Variants in DYNC1LI2 observed in about 807,000 individuals in gnomAD.
The protein encoded by DYNC1LI2 is dynein cytoplasmic 1 light intermediate chain 2.
A neutral mutation model predicts 57.8 loss-of-function variants in DYNC1LI2; 19 were observed. That is an observed-to-expected ratio of 0.33 (90% CI 0.23 to 0.48). The LOEUF (loss-of-function observed/expected upper bound fraction) is 0.48, where lower values mean the gene tolerates loss of function less well. Ranked by LOEUF, DYNC1LI2 falls within the 20% of genes least tolerant of loss-of-function variation. The pLI is 0.99. For synonymous variants in DYNC1LI2, 256 were observed against 233.4 expected, an observed-to-expected ratio of 1.10 and a Z score of -0.88; for missense variants, 470 against 604.2, an observed-to-expected ratio of 0.78 and a Z score of 2.33.
At chr16:66,725,121 G>A (rs912999949) in intron 12 of DYNC1LI2, among the ~76,000 whole-genome samples, 3 of 147,578 alleles carry the variant, frequency 2.0e-5, no homozygotes, top group African/African-American at 7.5e-5. Context: ...TTGGCAGTGA[G>A]TTGAGATCAT....
intron 2 of DYNC1LI2, among the ~76,000 whole-genome samples, chr16:66,750,084 T>C (rs114960277): frequency 5.1e-4 from 77 of 152,344 alleles, no homozygotes; most frequent in African/African-American, 1.8e-3. Context: ...CTCTACCTTA[T>C]TCAGGCCCTC....
chr16:66,728,905 G>T, intron 9 of DYNC1LI2, 135 bp downstream of exon 9: 2 of 862,534 alleles, frequency 2.3e-6, no homozygotes. Flanking sequence ...GAGGGAATGA[G>T]GAGACCTGGT....
In DYNC1LI2 at chr16:66,732,205, C is replaced by A. The variant is rs1326355411; in HGVS notation, c.929+134G>T. Reference sequence around the variant, plus strand: ...AGATGCCTCATAATCCGGAAAGGAACAGAGAGAAGGTGCAGTGAGAGAGCT... The same window carrying A: ...AGATGCCTCATAATCCGGAAAGGAAAAGAGAGAAGGTGCAGTGAGAGAGCT... On this transcript the variant is annotated intron_variant, in intron 7 of 12. Transcript: ENST00000258198. 17 of 1,143,456 alleles carry A rather than the reference C, an allele frequency of 1.5e-5. No homozygotes were observed. In the Admixed American group the frequency reaches 5.0e-4, roughly 34 times the overall value. The allele number at this position is 1,143,456 out of a possible 1,614,324, so 70.8% of individuals were successfully genotyped here. A position where few individuals can be genotyped will look rare whatever the true frequency, so the allele number is the denominator to read the frequency against.
At chr16:66,744,129 C>A (rs2017893770) in intron 3 of DYNC1LI2, among the ~76,000 whole-genome samples, 2 of 151,076 alleles carry the variant, frequency 1.3e-5, no homozygotes, top group Non-Finnish European at 3.0e-5. Context: ...GCAGTGGCAA[C>A]TGCAGTCTCG....
chr16:66,721,362 A>T lies in DYNC1LI2; in HGVS notation c.*2360T>A, dbSNP rs1359498832. Reference sequence around the variant, plus strand: ...TTTTTTTATTTTAAAGACAAAAAGCAGATGTAACCATTATAATGTGCATAA... The same window carrying T: ...TTTTTTTATTTTAAAGACAAAAAGCTGATGTAACCATTATAATGTGCATAA... On this transcript the variant is annotated 3_prime_UTR_variant, in exon 13 of 13. Coordinates refer to ENST00000258198, the MANE Select transcript of DYNC1LI2 (RefSeq NM_006141.3). The T allele has an allele frequency of 1.3e-5, 2 of 152,614 alleles. No individual in the cohort carries two copies. Among genetic ancestry groups the T allele is most frequent in the Admixed American group, 1.3e-4 (2 of 15,260 alleles). 9.5% of individuals were successfully genotyped at this position (152,614 alleles called of 1,614,324 possible).
intron 4 of DYNC1LI2, chr16:66,738,418 T>C (rs972805897): frequency 6.6e-6 from 1 of 151,718 alleles, no homozygotes; most frequent in Non-Finnish European, 1.5e-5. Flanking sequence ...CGGCTAATTT[T>C]GTTTTGTATT....
At chr16:66,730,340 T>C (rs1489827512) in intron 7 of DYNC1LI2, 117 bp from the exon 8 acceptor site, 3 of 844,144 alleles carry the variant, frequency 3.6e-6, no homozygotes, top group Admixed American at 3.1e-5. Context: ...TGTGTAGTTG[T>C]TGGGGGTTGT....
intron 8 of DYNC1LI2, 136 bp from the exon 9 acceptor site, chr16:66,729,235 A>G (rs775235025): frequency 1.1e-5 from 11 of 980,592 alleles, no homozygotes; most frequent in Non-Finnish European, 1.6e-5. Flanking sequence ...CTGCAGAGTA[A>G]TATTTTTCTA....
intron 4 of DYNC1LI2, 38 bp downstream of exon 4, chr16:66,742,400 C>G: frequency 6.3e-7 from 1 of 1,594,052 alleles, no homozygotes; most frequent in Non-Finnish European, 8.6e-7. Flanking sequence ...TAAAGAGACT[C>G]GTGAACTTCC....
Position 66,722,712 on chromosome 16 carries a change from G to A in DYNC1LI2, c.*1010C>T, listed in dbSNP as rs540333718. ...CAAGTCATAAGGCAGGGCTTGGTAC[G>A]AGCCAATTAACCAGAGTGCAATTAC... is the stretch of plus-strand genomic sequence containing the variant. On this transcript the variant is annotated 3_prime_UTR_variant, in exon 13 of 13. Coordinates refer to ENST00000258198, the MANE Select transcript of DYNC1LI2 (RefSeq NM_006141.3). 1.3e-5 allele frequency: 2 copies of A among 153,090 alleles called. No homozygotes were observed. The highest frequency in any genetic ancestry group is 3.9e-4 in the East Asian group (2 of 5,192). The allele number at this position is 153,090 out of a possible 1,614,324, so 9.5% of individuals were successfully genotyped here.
At chr16:66,740,611 A>G (rs1274799084) in intron 4 of DYNC1LI2, among the ~76,000 whole-genome samples, 1 of 152,192 alleles carries the variant, frequency 6.6e-6, no homozygotes, top group Non-Finnish European at 1.5e-5. Flanking sequence ...CTGAACTTTG[A>G]TATTTAGAAC....
In DYNC1LI2 at chr16:66,736,097, G is replaced by A. The variant is rs2017728724; in HGVS notation, c.677C>T (p.Pro226Leu). The A allele has an allele frequency of 6.8e-6, 11 of 1,613,826 alleles. No homozygotes were observed. The highest frequency in any genetic ancestry group is 9.3e-6 in the Non-Finnish European group (11 of 1,180,010). ...CACCTTTGTGCACACCACCAACACC[G>A]GGATCCCCAGGTTATGAGTCAGCAC... is the stretch of plus-strand genomic sequence containing the variant. ...DNVLTHNLGI[P>L]VLVVCTKCDA... Residue 226 changes from proline (P) to leucine (L), a missense_variant, in exon 5 of 13, where the codon CCG (proline) becomes CTG (leucine). Coordinates refer to ENST00000258198, the MANE Select transcript of DYNC1LI2 (RefSeq NM_006141.3).
At chr16:66,728,629 A>G (rs115133267) in intron 9 of DYNC1LI2, among the ~76,000 whole-genome samples, 2,386 of 152,326 alleles carry the variant, frequency 0.016, 68 homozygotes, top group African/African-American at 0.056. Flanking sequence ...CTAAACTGTC[A>G]GCTTGGGGAA....
chr16:66,732,301 AAAG>A (rs774083105), intron 7 of DYNC1LI2, 35 bp downstream of exon 7: 65 of 1,599,370 alleles, frequency 4.1e-5, no homozygotes, highest in Non-Finnish European at 5.4e-5. Flanking sequence ...TGTACTTTAA[AAAG>A]AAGAGTTTCA....
At position 66,730,132 on chromosome 16, in the gene DYNC1LI2, C is replaced by G; in HGVS notation, c.1021G>C (p.Val341Leu). 1 of 1,613,806 alleles carries G rather than the reference C, an allele frequency of 6.2e-7. No homozygotes were observed. Among genetic ancestry groups the G allele is most frequent in the Non-Finnish European group, 8.5e-7 (1 of 1,179,938 alleles). The change falls in exon 8 of 13, where the codon GTG becomes CTG. Residue 341 changes from valine to leucine, a missense_variant. Transcript: ENST00000258198. ...KPEDAYEDFI[V>L]KPPVRKLVHD... ...ACTACCTTTCTCACGGGAGGTTTCA[C>G]AATAAAGTCTTCATATGCATCTTCC...
chr16:66,729,207 G>C (rs2017590414), intron 8 of DYNC1LI2, 108 bp from the exon 9 acceptor site: 4 of 1,210,224 alleles, frequency 3.3e-6, no homozygotes, highest in Middle Eastern at 3.8e-4. Flanking sequence ...ACACAGGTCT[G>C]GGAGATCCCT....
chr16:66,735,396 A>G (rs2017715821), intron 5 of DYNC1LI2, among the ~76,000 whole-genome samples: 1 of 151,986 alleles, frequency 6.6e-6, no homozygotes, highest in Non-Finnish European at 1.5e-5. Context: ...CATGTCTGGC[A>G]TGACTGAACT....
intron 4 of DYNC1LI2, chr16:66,738,946 T>C (rs2017790008): frequency 6.7e-6 from 1 of 149,182 alleles, no homozygotes; most frequent in African/African-American, 2.5e-5. Flanking sequence ...AATACTTCAC[T>C]GTTAATACAA....
intron 11 of DYNC1LI2, among the ~76,000 whole-genome samples, chr16:66,726,775 G>A (rs1349502941): frequency 3.9e-5 from 6 of 152,120 alleles, no homozygotes. Flanking sequence ...CCGAGTAGCT[G>A]GGATTACAGG....
Sources: gnomAD v4.1 joint callset for allele counts (sites outside exome capture counted in the v4.1 genomes callset) on GRCh38, gnomAD v4.1.1 for gene constraint, MANE v1.5 for transcripts, NCBI Gene and HGNC (gene_info 2026-07-23, HGNC 2026-07-21) for gene names.